The following OXGR1 variants were observed in gnomAD, a reference collection of about 807,000 sequenced individuals.
The protein encoded by OXGR1 is oxoglutarate receptor 1.
A neutral mutation model predicts 10.0 loss-of-function variants in OXGR1; 10 were observed. That is an observed-to-expected ratio of 1.00 (90% CI 0.62 to 1.70). The LOEUF (loss-of-function observed/expected upper bound fraction) is 1.70. OXGR1 is among the 40% of genes most tolerant of loss of function. The pLI, the probability that OXGR1 is intolerant of heterozygous loss-of-function variation, is 0.00. For synonymous variants in OXGR1, 191 were observed against 155.9 expected (o/e 1.22, Z -1.68); for missense variants, 398 against 407.6 (o/e 0.98, Z 0.20).
intron 1 of OXGR1, among the ~76,000 whole-genome samples, chr13:96,993,514 C>G (rs1882163752): frequency 6.6e-6 from 1 of 152,114 alleles, no homozygotes; most frequent in African/African-American, 2.4e-5. Flanking sequence ...GAGCCACACA[C>G]CCGGCCAATC....
chr13:96,986,676 T>C lies in OXGR1; in HGVS notation c.*70A>G. On this transcript the variant is annotated 3_prime_UTR_variant, in exon 4 of 4. Coordinates refer to ENST00000541038, the MANE Select transcript of OXGR1 (RefSeq NM_001346194.2). ...ACCAGGAGTTCCATTGAGGGAGACA[T>C]CCTGAACATCTTAGGATGCTAGGTA... 6.8e-7 allele frequency: 1 copy of C among 1,480,442 alleles called. No individual in the cohort carries two copies. Among genetic ancestry groups the C allele is most frequent in the Non-Finnish European group, 9.1e-7 (1 of 1,103,894 alleles). 91.7% of individuals were successfully genotyped at this position (1,480,442 alleles called of 1,614,324 possible).
At position 96,986,337 on chromosome 13, in the gene OXGR1, G is replaced by T. The variant is rs1881736273; in HGVS notation, c.*409C>A. 1 of 172,318 alleles carries T rather than the reference G, an allele frequency of 5.8e-6. No individual in the cohort carries two copies. The highest frequency in any genetic ancestry group is 1.5e-4 in the South Asian group (1 of 6,564). The allele number at this position is 172,318 out of a possible 1,614,324, so 10.7% of individuals were successfully genotyped here. Reference sequence around the variant, plus strand: ...TTGTCTAATGGTTCAATACAAATAGGCCCAGAGTGCAGAGAAGCATGAAAT... The same window carrying T: ...TTGTCTAATGGTTCAATACAAATAGTCCCAGAGTGCAGAGAAGCATGAAAT... On this transcript the variant is annotated 3_prime_UTR_variant, in exon 4 of 4. Coordinates refer to ENST00000541038, the MANE Select transcript of OXGR1 (RefSeq NM_001346194.2).
rs1566289976 is a variant in OXGR1 at position 96,987,675 on chromosome 13, T to A, written c.85A>T (p.Ile29Phe). Residue 29 changes from isoleucine (I) to phenylalanine (F), a missense_variant, in exon 4 of 4, where the codon ATC (isoleucine) becomes TTC (phenylalanine). Coordinates refer to ENST00000541038, the MANE Select transcript of OXGR1 (RefSeq NM_001346194.2). Reference sequence around the variant, plus strand: ...GGGAGGTAGTGCATCTTGAGTGGGATGTTTTCATCAGTGCAATTTCCAAAA... The same window carrying A: ...GGGAGGTAGTGCATCTTGAGTGGGAAGTTTTCATCAGTGCAATTTCCAAAA... ...AAFGNCTDEN[I>F]PLKMHYLPVI... The A allele has an allele frequency of 1.2e-6, 2 of 1,614,170 alleles. No homozygotes were observed. The highest frequency in any genetic ancestry group is 1.7e-6 in the Non-Finnish European group (2 of 1,180,026).
At chr13:96,988,899 T>C (rs968893715) in intron 3 of OXGR1, among the ~76,000 whole-genome samples, 11 of 152,176 alleles carry the variant, frequency 7.2e-5, no homozygotes, top group African/African-American at 1.9e-4. Context: ...CAAGTCCACA[T>C]TTCTGGAGCA....
chr13:96,991,715 A>G (rs1882067528), intron 2 of OXGR1, among the ~76,000 whole-genome samples: 1 of 152,216 alleles, frequency 6.6e-6, no homozygotes, highest in Non-Finnish European at 1.5e-5. Context: ...ATGATCCAGC[A>G]TTTCCACTGC....
Position 96,986,818 on chromosome 13 carries a change from G to A in OXGR1, c.942C>T (p.Cys314=), listed in dbSNP as rs779849472. The A allele has an allele frequency of 6.2e-7, 1 of 1,614,130 alleles. No homozygotes were observed. The highest frequency in any genetic ancestry group is 8.5e-7 in the Non-Finnish European group (1 of 1,180,022). The change falls in exon 4 of 4, where the codon TGC becomes TGT. Residue 314 remains cysteine (C), a synonymous_variant. Coordinates refer to ENST00000541038, the MANE Select transcript of OXGR1 (RefSeq NM_001346194.2). ...CGCTTACTTTGCATCTCACTGTTGA[G>A]CAGACAGCCTGCTGAAAGTTGTCGC... ...VVSDNFQQAV[C]STVRCKVSGN...
At chr13:96,989,958 T>C (rs1194389088) in intron 2 of OXGR1, 149 bp from the exon 3 acceptor site, 4 of 152,188 alleles carry the variant, frequency 2.6e-5, no homozygotes, top group Non-Finnish European at 5.9e-5. Context: ...CTGCAGATGC[T>C]CACGTCACTG....
At chr13:96,992,791 C>T (rs945652606) in intron 1 of OXGR1, among the ~76,000 whole-genome samples, 1 of 152,178 alleles carries the variant, frequency 6.6e-6, no homozygotes, top group Non-Finnish European at 1.5e-5. Flanking sequence ...CTGCTCTCCT[C>T]CCTCTCCCCC....
At position 96,987,051 on chromosome 13, in the gene OXGR1, G is replaced by T; in HGVS notation, c.709C>A (p.Gln237Lys). The change falls in exon 4 of 4, where the codon CAG becomes AAG. Residue 237 changes from glutamine to lysine, a missense_variant. By Grantham distance (53) the Gln-to-Lys change is moderately conservative. Coordinates refer to ENST00000541038, the MANE Select transcript of OXGR1 (RefSeq NM_001346194.2). ...HGLQTDSCLK[Q>K]KARRLTILLL... ...AGAATGGTTAGCCTTCGTGCTTTCTGCTTAAGGCAGCTGTCAGTTTGCAGT... is the reference window on the plus strand; with the variant it reads ...AGAATGGTTAGCCTTCGTGCTTTCTTCTTAAGGCAGCTGTCAGTTTGCAGT... 1 of 1,614,218 alleles carries T rather than the reference G, an allele frequency of 6.2e-7. No homozygotes were observed. Among genetic ancestry groups the T allele is most frequent in the Non-Finnish European group, 8.5e-7 (1 of 1,180,022 alleles).
rs1195755691 is a variant in OXGR1, at chr13:96,986,124, G to A, written c.*622C>T. On this transcript the variant is annotated 3_prime_UTR_variant, in exon 4 of 4. Coordinates refer to ENST00000541038, the MANE Select transcript of OXGR1 (RefSeq NM_001346194.2). ...GACATAATACTCCAAATATATTGCA[G>A]GTACTAATTTCAACTATTTGCATGG... 1.3e-5 allele frequency: 2 copies of A among 152,168 alleles called. No homozygotes were observed. The highest frequency in any genetic ancestry group is 2.4e-5 in the African/African-American group (1 of 41,430). The allele number at this position is 152,168 out of a possible 1,614,324, so 9.4% of individuals were successfully genotyped here.
rs913205825 is a variant in OXGR1 at position 96,986,799 on chromosome 13, C to T, written c.961G>A (p.Val321Ile). Residue 321 changes from valine (V) to isoleucine (I), a missense_variant, in exon 4 of 4, where the codon GTA becomes ATA. Val to Ile is a conservative substitution (Grantham distance 29). Transcript: ENST00000541038. ...TTTGCTTGCTCAAGGTTCCCGCTTA[C>T]TTTGCATCTCACTGTTGAGCAGACA... ...QAVCSTVRCKVSGNLEQAKKI... is the reference protein window; with the variant it reads ...QAVCSTVRCKISGNLEQAKKI... The T allele has an allele frequency of 6.2e-7, 1 of 1,613,692 alleles. No homozygotes were observed. The highest frequency in any genetic ancestry group is 8.5e-7 in the Non-Finnish European group (1 of 1,179,900).
chr13:96,986,994 G>T lies in OXGR1; in HGVS notation c.766C>A (p.Pro256Thr). The change falls in exon 4 of 4, where the codon CCC becomes ACC. Residue 256 changes from proline to threonine, a missense_variant. Physicochemically the swap from Pro to Thr is conservative, Grantham distance 38. Transcript: ENST00000541038. ...LLLAFYVCFLPFHILRVIRIE... is the reference protein window; with the variant it reads ...LLLAFYVCFLTFHILRVIRIE... ...CGAATGACCCTCAAGATATGGAAGG[G>T]TAAAAAACATACGTAAAATGCAAGG... The T allele has an allele frequency of 1.2e-6, 2 of 1,614,206 alleles. No individual in the cohort carries two copies. Among genetic ancestry groups the T allele is most frequent in the Non-Finnish European group, 1.7e-6 (2 of 1,180,046 alleles).
intron 1 of OXGR1, among the ~76,000 whole-genome samples, chr13:96,993,697 T>A (rs140330359): frequency 6.6e-6 from 1 of 151,658 alleles, no homozygotes; most frequent in Non-Finnish European, 1.5e-5. Context: ...ATATTATACA[T>A]ACAAGTTAGA....
At chr13:96,988,168 A>T (rs912741687) in intron 3 of OXGR1, among the ~76,000 whole-genome samples, 1 of 152,236 alleles carries the variant, frequency 6.6e-6, no homozygotes, top group African/African-American at 2.4e-5. Context: ...AGGACCTACT[A>T]TTAACCAAGT....
intron 2 of OXGR1, among the ~76,000 whole-genome samples, chr13:96,990,012 C>T (rs1881973732): frequency 6.6e-6 from 1 of 152,188 alleles, no homozygotes; most frequent in Non-Finnish European, 1.5e-5. Flanking sequence ...AACCTATGCC[C>T]ATCCTCCTGT....
At chr13:96,990,940 C>A (rs9584457) in intron 2 of OXGR1, among the ~76,000 whole-genome samples, 3 of 36,722 alleles carry the variant, frequency 8.2e-5, no homozygotes, top group Admixed American at 3.9e-4. Context: ...CACAGCAAGA[C>A]TCTTTCAAAA....
Position 96,987,278 on chromosome 13 carries a change from G to A in OXGR1, c.482C>T (p.Ser161Leu). 1.9e-6 allele frequency: 3 copies of A among 1,614,170 alleles called. No homozygotes were observed. The highest frequency in any genetic ancestry group is 2.5e-6 in the Non-Finnish European group (3 of 1,180,046). Residue 161 changes from serine (S) to leucine (L), a missense_variant, in exon 4 of 4, where the codon TCA becomes TTA. By Grantham distance (145) the Ser-to-Leu change is moderately radical. Transcript: ENST00000541038. The part of the protein sequence containing the change: ...VVACAVVWII[S>L]LVAVIPMTFL... Reference sequence around the variant, plus strand: ...GGTCATCGGAATGACAGCTACCAGTGAAATGATCCACACCACAGCACAGGC... The same window carrying A: ...GGTCATCGGAATGACAGCTACCAGTAAAATGATCCACACCACAGCACAGGC...
rs764950647 is a variant in OXGR1 at position 96,989,818 on chromosome 13, T to C, written c.-126-9A>G. The C allele has an allele frequency of 2.0e-5, 3 of 152,042 alleles. No individual in the cohort carries two copies. Among genetic ancestry groups the C allele is most frequent in the Non-Finnish European group, 4.4e-5 (3 of 67,998 alleles). 9.4% of individuals were successfully genotyped at this position (152,042 alleles called of 1,614,324 possible). A position where few individuals can be genotyped will look rare whatever the true frequency, so the allele number is the denominator to read the frequency against. ...TTTTCATCAGGATTACCCTAAATAA[T>C]AGAGGGAAAAACAAGTGTGAAGACA... On this transcript the variant is annotated splice_polypyrimidine_tract_variant and intron_variant, in intron 2 of 3. Coordinates refer to ENST00000541038, the MANE Select transcript of OXGR1 (RefSeq NM_001346194.2).
At chr13:96,990,946 C>CAAAAA (rs765856782) in intron 2 of OXGR1, among the ~76,000 whole-genome samples, 1,893 of 97,098 alleles carry the variant, frequency 0.019, 114 homozygotes, top group Non-Finnish European at 0.023. Flanking sequence ...AAGACTCTTT[C>CAAAAA]AAAAAAAAAA....
Sources: gnomAD v4.1 joint callset for allele counts (sites outside exome capture counted in the v4.1 genomes callset) on GRCh38, gnomAD v4.1.1 for gene constraint, MANE v1.5 for transcripts, NCBI Gene and HGNC (gene_info 2026-07-23, HGNC 2026-07-21) for gene names.